CRHR1: variants seen among roughly 807,000 people sequenced by gnomAD.
The protein encoded by CRHR1 is corticotropin-releasing hormone receptor 1.
Under a neutral mutation model 56.0 loss-of-function variants are expected in CRHR1, and 28 were observed. The observed-to-expected ratio is 0.50, with a 90% CI of 0.37 to 0.69. The LOEUF (loss-of-function observed/expected upper bound fraction) is 0.69. Among genes scored for constraint, CRHR1 ranks in the 30% least tolerant of loss-of-function variants. CRHR1 has a pLI of 0.00. For missense variants in CRHR1, 376 were observed against 548.0 expected (o/e 0.69, Z 3.13); for synonymous variants, 195 against 216.5 (o/e 0.90, Z 0.87).
chr17:45,833,289 C>A, intron 9 of CRHR1, 79 bp downstream of exon 9: 1 of 1,517,122 alleles, frequency 6.6e-7, no homozygotes, highest in Admixed American at 1.7e-5. Flanking sequence ...GAAAGGACTC[C>A]TCTACCTAGA....
At chr17:45,794,138 C>T (rs1317860378) in intron 1 of CRHR1, among the ~76,000 whole-genome samples, 1 of 152,254 alleles carries the variant, frequency 6.6e-6, no homozygotes, top group Non-Finnish European at 1.5e-5. Flanking sequence ...CCATGGCCAA[C>T]TGGCGTGTGG....
At chr17:45,832,061 A>AAAAAAAC (rs1217614650) in intron 8 of CRHR1, among the ~76,000 whole-genome samples, 2 of 150,666 alleles carry the variant, frequency 1.3e-5, no homozygotes, top group African/African-American at 2.4e-5. Flanking sequence ...TATCTACTAA[A>AAAAAAAC]AAAAAAACAA....
chr17:45,791,852 T>TCACACACACACACACACACACA (rs59855327), intron 1 of CRHR1, among the ~76,000 whole-genome samples: 1 of 121,026 alleles, frequency 8.3e-6, no homozygotes, highest in Non-Finnish European at 1.7e-5. Context: ...TCTCTCTCTC[T>TCACACACACACACACACACACA]CACACACACA....
chr17:45,811,448 A>G (rs1240273358), intron 2 of CRHR1, among the ~76,000 whole-genome samples: 2 of 152,210 alleles, frequency 1.3e-5, no homozygotes, highest in Non-Finnish European at 2.9e-5. Flanking sequence ...GGAGGAAGAT[A>G]TAGGACCGGT....
chr17:45,814,906 C>G (rs2061896573), intron 2 of CRHR1, among the ~76,000 whole-genome samples: 1 of 152,298 alleles, frequency 6.6e-6, no homozygotes, highest in Non-Finnish European at 1.5e-5. Context: ...CTGAAGGCCT[C>G]TGCCCCTTGA....
intron 1 of CRHR1, among the ~76,000 whole-genome samples, chr17:45,791,646 C>G (rs571897318): frequency 1.1e-3 from 164 of 152,078 alleles, no homozygotes; most frequent in African/African-American, 3.8e-3. Context: ...CCTGGGTGCC[C>G]GAAGCCGTCC....
At chr17:45,807,546 C>T (rs1383373274) in intron 2 of CRHR1, among the ~76,000 whole-genome samples, 2 of 152,210 alleles carry the variant, frequency 1.3e-5, no homozygotes, top group African/African-American at 4.8e-5. Context: ...AGGACTGGAG[C>T]TGTATTAACC....
intron 7 of CRHR1, 56 bp downstream of exon 7, chr17:45,830,626 C>T: frequency 6.5e-7 from 1 of 1,548,702 alleles, no homozygotes; most frequent in Non-Finnish European, 8.7e-7. Flanking sequence ...GGGCTGCCCT[C>T]TCCTCCAGAC....
At chr17:45,829,988 G>A in intron 5 of CRHR1, 106 bp from the exon 6 acceptor site, 1 of 1,537,258 alleles carries the variant, frequency 6.5e-7, no homozygotes, top group South Asian at 1.2e-5. Context: ...CCCACCCTGT[G>A]CCTCAGTTTC....
At chr17:45,787,919 A>G (rs928629309) in intron 1 of CRHR1, among the ~76,000 whole-genome samples, 1 of 152,324 alleles carries the variant, frequency 6.6e-6, no homozygotes, top group Middle Eastern at 3.4e-3. Flanking sequence ...GGGGGCAAAG[A>G]CAGGGAGGGG....
chr17:45,818,312 C>A (rs558105727), intron 3 of CRHR1, among the ~76,000 whole-genome samples: 1 of 152,226 alleles, frequency 6.6e-6, no homozygotes, highest in Admixed American at 6.5e-5. Flanking sequence ...CCCTGGCCAC[C>A]CCCCATGAGT....
At chr17:45,833,693 T>TGGGGGGGGGGCG in intron 10 of CRHR1, 21 bp from the exon 11 acceptor site, 15 of 1,571,602 alleles carry the variant, frequency 9.5e-6, no homozygotes, top group African/African-American at 1.4e-5. Flanking sequence ...ACTCCGAGCC[T>TGGGGGGGGGGCG]CCCCACCCGC....
At chr17:45,786,654 T>TC (rs2061341797) in intron 1 of CRHR1, among the ~76,000 whole-genome samples, 1 of 150,968 alleles carries the variant, frequency 6.6e-6, no homozygotes, top group East Asian at 1.9e-4. Flanking sequence ...TTTTTTTTTT[T>TC]TTCAAGACAG....
At chr17:45,818,755 T>A (rs2061978456) in intron 3 of CRHR1, among the ~76,000 whole-genome samples, 1 of 152,164 alleles carries the variant, frequency 6.6e-6, no homozygotes, top group Non-Finnish European at 1.5e-5. Context: ...CACTAATTAA[T>A]CCATTTACTG....
intron 12 of CRHR1, 75 bp from the exon 13 acceptor site, chr17:45,834,549 G>A (rs1342632768): frequency 3.3e-6 from 5 of 1,521,474 alleles, no homozygotes; most frequent in Non-Finnish European, 4.4e-6. Flanking sequence ...CTGCACAGCT[G>A]CTCGTGGCGG....
chr17:45,792,651 G>A (rs2061447210), intron 1 of CRHR1, among the ~76,000 whole-genome samples: 1 of 152,132 alleles, frequency 6.6e-6, no homozygotes, highest in Non-Finnish European at 1.5e-5. Context: ...CCTCCTCCAG[G>A]AAGCCCTCCA....
chr17:45,801,358 T>C (rs1477713686), intron 1 of CRHR1, among the ~76,000 whole-genome samples: 1 of 152,226 alleles, frequency 6.6e-6, no homozygotes, highest in Non-Finnish European at 1.5e-5. Context: ...TTATGTGACA[T>C]TGGGTACATC....
Position 45,834,051 on chromosome 17 carries a change from G to A in CRHR1, c.1107+3G>A. On this transcript the variant is annotated splice_donor_region_variant and intron_variant, in intron 12 of 12. Transcript: ENST00000314537. ...TCTACTGTTTCCTCAATAGTGAGGTGAGGACCCGGGGGCCCTGCAGCGGGG... is the reference window on the plus strand; with the variant it reads ...TCTACTGTTTCCTCAATAGTGAGGTAAGGACCCGGGGGCCCTGCAGCGGGG... 1 of 1,613,168 alleles carries A rather than the reference G, an allele frequency of 6.2e-7. No homozygotes were observed.
intron 1 of CRHR1, among the ~76,000 whole-genome samples, chr17:45,803,506 C>A (rs1014877791): frequency 3.9e-5 from 6 of 152,172 alleles, no homozygotes; most frequent in African/African-American, 1.2e-4. Context: ...CCTGCCTCAG[C>A]CTCCTGAGTA....
Sources: gnomAD v4.1 joint callset for allele counts (sites outside exome capture counted in the v4.1 genomes callset) on GRCh38, gnomAD v4.1.1 for gene constraint, MANE v1.5 for transcripts, NCBI Gene and HGNC (gene_info 2026-07-23, HGNC 2026-07-21) for gene names.